CCT8: variants seen among roughly 807,000 people sequenced by gnomAD.
CCT8 encodes T-complex protein 1 subunit theta.
A neutral mutation model predicts 65.7 loss-of-function variants in CCT8; 10 were observed. That is an observed-to-expected ratio of 0.15 (90% CI 0.09 to 0.26). CCT8 has a LOEUF of 0.26. CCT8 is among the 10% of genes least tolerant of loss of function. CCT8 has a pLI of 1.00. For synonymous variants in CCT8, 199 were observed against 221.8 expected, an observed-to-expected ratio of 0.90 and a Z score of 0.92; for missense variants, 568 against 669.1, an observed-to-expected ratio of 0.85 and a Z score of 1.67.
chr21:29,058,727 G>A (rs1406782498), intron 14 of CCT8, among the ~76,000 whole-genome samples: 2 of 151,470 alleles, frequency 1.3e-5, no homozygotes, highest in East Asian at 4.0e-4. Context: ...GAGTAGCTGG[G>A]ACTACAGGCA....
rs745871687 is a variant in CCT8 at position 29,061,432 on chromosome 21, C to T, written c.1285-15G>A. On this transcript the variant is annotated splice_polypyrimidine_tract_variant and intron_variant, in intron 12 of 14. Coordinates refer to ENST00000286788, the MANE Select transcript of CCT8 (RefSeq NM_006585.4). ...CCAGGACATGTCTAAAACAAAAATG[C>T]GTTAATTACTGTCTTTTATTCAAGC... 8.7e-6 allele frequency: 14 copies of T among 1,613,542 alleles called. No homozygotes were observed. Among genetic ancestry groups the T allele is most frequent in the African/African-American group, 5.3e-5 (4 of 74,862 alleles).
At chr21:29,057,638 T>TAA (rs2146417175) in intron 14 of CCT8, among the ~76,000 whole-genome samples, 1 of 125,944 alleles carries the variant, frequency 7.9e-6, no homozygotes, top group East Asian at 2.1e-4. Flanking sequence ...AATATATATA[T>TAA]AACATTTGAT....
At chr21:29,065,422 C>G (rs894157198) in intron 6 of CCT8, among the ~76,000 whole-genome samples, 1 of 152,206 alleles carries the variant, frequency 6.6e-6, no homozygotes, top group Non-Finnish European at 1.5e-5. Context: ...GCTGTCAGTA[C>G]TGCAAATACA....
In CCT8 at chr21:29,057,460, C is replaced by T. The variant is rs192933022; in HGVS notation, c.1570-908G>A. Among the ~76,000 whole-genome samples, 1,404 of 151,634 alleles carry T rather than the reference C, an allele frequency of 9.3e-3. 22 individuals are homozygous for T. The highest frequency in any genetic ancestry group is 0.012 in the Non-Finnish European group (807 of 67,906). On this transcript the variant is annotated intron_variant, in intron 14 of 14. Transcript: ENST00000286788. ...GATTATAGGTGTGAGCCACTGCGCT[C>T]GGCTGGAAAACATCTTAATTACCAT... is the stretch of plus-strand genomic sequence containing the variant.
intron 6 of CCT8, 88 bp downstream of exon 6, chr21:29,066,626 AAC>A (rs1288210938): frequency 1.2e-5 from 9 of 767,044 alleles, no homozygotes; most frequent in Non-Finnish European, 1.9e-5. Flanking sequence ...GGTTTAGATG[AAC>A]ACATTTTTTT....
chr21:29,070,375 A>G (rs1434897260), intron 1 of CCT8, 38 bp from the exon 2 acceptor site: 1 of 1,354,768 alleles, frequency 7.4e-7, no homozygotes. Flanking sequence ...CGCTAATTAG[A>G]CAGGACAGTG....
chr21:29,065,810 C>T (rs1027802651), intron 6 of CCT8, among the ~76,000 whole-genome samples: 1 of 152,276 alleles, frequency 6.6e-6, no homozygotes, highest in East Asian at 1.9e-4. Flanking sequence ...GCGCTGGGCG[C>T]GGTGGCTCAC....
intron 11 of CCT8, 21 bp downstream of exon 11, chr21:29,062,106 TA>T: frequency 6.7e-7 from 1 of 1,487,358 alleles, no homozygotes; most frequent in Non-Finnish European, 9.4e-7. Context: ...TACAAACTAC[TA>T]AGAATATTGC....
chr21:29,066,102 T>C (rs1005049469), intron 6 of CCT8, among the ~76,000 whole-genome samples: 1 of 147,410 alleles, frequency 6.8e-6, no homozygotes, highest in South Asian at 2.1e-4. Flanking sequence ...AAAAAAAAAA[T>C]TTAGTATTTT....
At chr21:29,065,548 A>G (rs968655917) in intron 6 of CCT8, among the ~76,000 whole-genome samples, 1 of 152,246 alleles carries the variant, frequency 6.6e-6, no homozygotes, top group East Asian at 1.9e-4. Flanking sequence ...GGGAAAGCAC[A>G]TGTACTTATG....
chr21:29,060,473 T>C, intron 14 of CCT8, 68 bp downstream of exon 14: 1 of 1,510,456 alleles, frequency 6.6e-7, no homozygotes, highest in Non-Finnish European at 9.1e-7. Flanking sequence ...GTTCTAGTTC[T>C]GGGAAAATAT....
At chr21:29,071,482 G>A (rs2085679667) in intron 1 of CCT8, among the ~76,000 whole-genome samples, 1 of 151,542 alleles carries the variant, frequency 6.6e-6, no homozygotes, top group African/African-American at 2.4e-5. Flanking sequence ...TGCAACCTGG[G>A]CCTCCCGGGT....
intron 14 of CCT8, among the ~76,000 whole-genome samples, chr21:29,057,756 T>C (rs2085517870): frequency 1.1e-5 from 1 of 92,122 alleles, no homozygotes. Context: ...TGTATATGTA[T>C]GATATGAGAT....
chr21:29,065,917 CT>C (rs1284033766), intron 6 of CCT8, among the ~76,000 whole-genome samples: 2 of 151,746 alleles, frequency 1.3e-5, no homozygotes. Flanking sequence ...CCTGCCTCTA[CT>C]AAAAAAATAC....
chr21:29,063,575 T>C (rs1004950553), intron 7 of CCT8, 45 bp from the exon 8 acceptor site: 9 of 1,584,838 alleles, frequency 5.7e-6, no homozygotes, highest in Middle Eastern at 3.3e-4. Flanking sequence ...TTTCACTACG[T>C]TGGTGTTCAA....
intron 6 of CCT8, among the ~76,000 whole-genome samples, chr21:29,066,144 T>G (rs991428307): frequency 1.3e-5 from 2 of 151,454 alleles, no homozygotes; most frequent in African/African-American, 4.9e-5. Flanking sequence ...CCACAAGACA[T>G]CACAGAAAAT....
chr21:29,058,035 A>G (rs1004839643), intron 14 of CCT8: 2 of 152,040 alleles, frequency 1.3e-5, no homozygotes, highest in African/African-American at 4.8e-5. Flanking sequence ...AACAAAAAAG[A>G]TACCTAAACC....
chr21:29,068,385 C>G (rs1236108942), intron 3 of CCT8, among the ~76,000 whole-genome samples: 2 of 151,972 alleles, frequency 1.3e-5, no homozygotes, highest in Admixed American at 1.3e-4. Context: ...AGTGACAAAC[C>G]CTTGTACAAG....
intron 1 of CCT8, 126 bp downstream of exon 1, chr21:29,073,405 C>G (rs772608154): frequency 2.6e-5 from 40 of 1,523,896 alleles, no homozygotes; most frequent in Non-Finnish European, 7.1e-6. Flanking sequence ...TTTCTGGAAT[C>G]TTCTCTTCCC....
Sources: allele counts gnomAD v4.1 joint callset (sites outside exome capture counted in the v4.1 genomes callset), GRCh38; gene constraint gnomAD v4.1.1; transcripts MANE v1.5; gene names NCBI Gene and HGNC (gene_info 2026-07-23, HGNC 2026-07-21).